The following PRPF19 variants were observed in gnomAD, a reference collection of about 807,000 sequenced individuals.
The protein encoded by PRPF19 is pre-mRNA-processing factor 19.
A neutral mutation model predicts 64.2 loss-of-function variants in PRPF19; 2 were observed. The ratio of observed to expected loss-of-function variants is 0.03; its 90% CI spans 0.01 to 0.10. PRPF19 has a LOEUF of 0.10. Ranked by LOEUF, PRPF19 falls within the 10% of genes least tolerant of loss-of-function variation. The pLI is 1.00. For synonymous variants in PRPF19, 226 were observed against 251.6 expected (o/e 0.90, Z 0.96); for missense variants, 314 against 650.0 (o/e 0.48, Z 5.62).
At chr11:60,900,763 T>G (rs1178195048) in intron 9 of PRPF19, 72 bp from the exon 10 acceptor site, 2 of 1,585,678 alleles carry the variant, frequency 1.3e-6, no homozygotes, top group Non-Finnish European at 1.7e-6. Flanking sequence ...GAAATGCTTT[T>G]GTTCCCATGC....
At chr11:60,896,046 A>G (rs1855916723) in intron 15 of PRPF19, among the ~76,000 whole-genome samples, 1 of 152,194 alleles carries the variant, frequency 6.6e-6, no homozygotes. Context: ...ACACAGACAC[A>G]AAGTGAACAC....
chr11:60,904,688 G>C (rs1856023698), intron 1 of PRPF19, among the ~76,000 whole-genome samples: 1 of 152,192 alleles, frequency 6.6e-6, no homozygotes, highest in Non-Finnish European at 1.5e-5. Context: ...TGAGGTATGG[G>C]AGAAGTACAG....
At position 60,901,559 on chromosome 11, in the gene PRPF19, A is replaced by T. The variant is rs1382911153; in HGVS notation, c.526-19T>A. On this transcript the variant is annotated intron_variant, in intron 6 of 15. Transcript: ENST00000227524. ...CTTGAAGCTGGGGAAGAACAGGCTC[A>T]ATGTGAGACAAATCATCTTGCAAGG... 1 of 1,613,796 alleles carries T rather than the reference A, an allele frequency of 6.2e-7. No individual in the cohort carries two copies. The highest frequency in any genetic ancestry group is 8.5e-7 in the Non-Finnish European group (1 of 1,179,962).
chr11:60,899,066 G>A (rs1855952441), intron 11 of PRPF19, 83 bp downstream of exon 11: 3 of 1,521,590 alleles, frequency 2.0e-6, no homozygotes, highest in East Asian at 4.8e-5. Flanking sequence ...GGAACCAGCT[G>A]GGGTGGGAAG....
chr11:60,894,661 C>T (rs992944591), intron 15 of PRPF19, among the ~76,000 whole-genome samples: 2 of 152,186 alleles, frequency 1.3e-5, no homozygotes, highest in African/African-American at 2.4e-5. Context: ...CACAAATGTT[C>T]TTAAGGGCGT....
chr11:60,898,072 G>C lies in PRPF19; in HGVS notation c.1311+29C>G. The C allele has an allele frequency of 6.2e-7, 1 of 1,610,036 alleles. No individual in the cohort carries two copies. The highest frequency in any genetic ancestry group is 8.5e-7 in the Non-Finnish European group (1 of 1,177,514). On this transcript the variant is annotated intron_variant, in intron 14 of 15. Transcript: ENST00000227524. This position sits in a 1 kb window ranked among gnomAD's most constrained non-coding sequence, Gnocchi z 4.6. ...AATTGACAAACAAGGAGACACAATG[G>C]AAAGCTGGGCGGAGGGGGAAGGGCA...
At position 60,900,847 on chromosome 11, in the gene PRPF19, C is replaced by T. The variant is rs770111586; in HGVS notation, c.718+7G>A. The T allele has an allele frequency of 1.2e-6, 2 of 1,614,202 alleles. No homozygotes were observed. Among genetic ancestry groups the T allele is most frequent in the South Asian group, 1.1e-5 (1 of 91,084 alleles). On this transcript the variant is annotated splice_region_variant and intron_variant, in intron 9 of 15. Coordinates refer to ENST00000227524, the MANE Select transcript of PRPF19 (RefSeq NM_014502.5). ...TTTGGCCTGCCGGGCTAGGCCCAGA[C>T]TCTCACCAGTGAGGATCTTGTTGGT...
At chr11:60,901,182 C>A in intron 8 of PRPF19, 113 bp downstream of exon 8, 1 of 1,213,502 alleles carries the variant, frequency 8.2e-7, no homozygotes. Flanking sequence ...GCACCAGGAA[C>A]AGCGCCAGGA....
At chr11:60,904,512 T>C (rs1182703858) in intron 1 of PRPF19, among the ~76,000 whole-genome samples, 1 of 152,214 alleles carries the variant, frequency 6.6e-6, no homozygotes, top group African/African-American at 2.4e-5. Context: ...CCCAGGTTGT[T>C]TGACCTGTTC....
chr11:60,897,664 C>A, intron 15 of PRPF19, 182 bp downstream of exon 15: 1 of 552,132 alleles, frequency 1.8e-6, no homozygotes, highest in Non-Finnish European at 3.2e-6. Context: ...AGAACAAGCA[C>A]TAGCATCTAC....
intron 8 of PRPF19, 96 bp downstream of exon 8, chr11:60,901,199 G>A: frequency 2.2e-6 from 3 of 1,341,880 alleles, no homozygotes; most frequent in Middle Eastern, 5.0e-4. Context: ...AGGAACCTGG[G>A]ACAGCTCTGC....
At chr11:60,892,171 A>G (rs1488706810) in intron 15 of PRPF19, among the ~76,000 whole-genome samples, 2 of 152,232 alleles carry the variant, frequency 1.3e-5, no homozygotes, top group East Asian at 3.8e-4. Flanking sequence ...AGGGAAAGTC[A>G]CGTACCCAGG....
chr11:60,897,486 T>TGCA, intron 15 of PRPF19: 1 of 197,716 alleles, frequency 5.1e-6, no homozygotes, highest in Non-Finnish European at 1.0e-5. Context: ...CTGACCCTTC[T>TGCA]GCAGATCTAA....
chr11:60,893,735 G>A (rs1399851562), intron 15 of PRPF19, among the ~76,000 whole-genome samples: 3 of 151,992 alleles, frequency 2.0e-5, no homozygotes, highest in Admixed American at 6.6e-5. Flanking sequence ...CAGGTGGATC[G>A]CTTGAGTTCA....
chr11:60,897,265 A>T (rs185758910), intron 15 of PRPF19, among the ~76,000 whole-genome samples: 1 of 152,376 alleles, frequency 6.6e-6, no homozygotes, highest in East Asian at 1.9e-4. Flanking sequence ...TATTCACTAC[A>T]TTTAATATGC....
At chr11:60,904,447 G>A (rs1396821858) in intron 1 of PRPF19, among the ~76,000 whole-genome samples, 1 of 152,140 alleles carries the variant, frequency 6.6e-6, no homozygotes, top group East Asian at 1.9e-4. Context: ...AGATCATACA[G>A]GTTGAGGTCT....
At position 60,902,207 on chromosome 11, in the gene PRPF19, T is replaced by C. The variant is rs1433341751; in HGVS notation, c.525+196A>G. Among the ~76,000 whole-genome samples the C allele has an allele frequency of 6.6e-6, 1 of 151,678 alleles. No individual in the cohort carries two copies. Among genetic ancestry groups the C allele is most frequent in the Non-Finnish European group, 1.5e-5 (1 of 67,938 alleles). On this transcript the variant is annotated intron_variant, in intron 6 of 15. Coordinates refer to ENST00000227524, the MANE Select transcript of PRPF19 (RefSeq NM_014502.5). The surrounding 1 kb of genome is among the most constrained non-coding windows in gnomAD (Gnocchi z 5.0). ...GCTAGGGAAATGAGACACGTAAGGG[T>C]TGGCTAAGTAAGCCAAGGTCATAAA...
chr11:60,905,650 G>C (rs1227095709), intron 1 of PRPF19, among the ~76,000 whole-genome samples: 1 of 152,224 alleles, frequency 6.6e-6, no homozygotes, highest in Non-Finnish European at 1.5e-5. Context: ...CCACTGACTA[G>C]CTACGCATCC....
intron 1 of PRPF19, among the ~76,000 whole-genome samples, chr11:60,905,770 A>G (rs1856038195): frequency 6.6e-6 from 1 of 152,240 alleles, no homozygotes; most frequent in South Asian, 2.1e-4. Context: ...ATAGACTTGG[A>G]AGCGCGTTGT....
Sources: gnomAD v4.1 joint callset for allele counts (sites outside exome capture counted in the v4.1 genomes callset) on GRCh38, gnomAD v4.1.1 for gene constraint, Gnocchi (gnomAD v3.1) non-coding constraint, MANE v1.5 for transcripts, NCBI Gene and HGNC (gene_info 2026-07-23, HGNC 2026-07-21) for gene names.